The following CPPED1 variants were observed in gnomAD, a reference collection of about 807,000 sequenced individuals.
The protein encoded by CPPED1 is calcineurin like phosphoesterase domain containing 1.
In CPPED1, 28 loss-of-function variants were observed where a neutral mutation model predicts 28.0. The observed-to-expected ratio is 1.00, with a 90% CI of 0.74 to 1.37. The LOEUF is 1.37. CPPED1 is among the 40% of genes most tolerant of loss of function. CPPED1 has a pLI of 0.00. For missense variants in CPPED1, 504 were observed against 416.5 expected (o/e 1.21, Z -1.83); for synonymous variants, 198 against 180.2 (o/e 1.10, Z -0.79).
Position 12,778,963 on chromosome 16 carries a change from C to T in CPPED1, c.289+2222G>A, listed in dbSNP as rs544684342. 2.6e-5 allele frequency among the ~76,000 whole-genome samples: 4 copies of T among 152,244 alleles called. No homozygotes were observed. The East Asian group carries it at 7.7e-4, about 29-fold the overall frequency. On this transcript the variant is annotated intron_variant, in intron 2 of 3. Coordinates refer to ENST00000381774, the MANE Select transcript of CPPED1 (RefSeq NM_018340.3). ...ATGAAGTCTTGACCAACTGGCGGGG[C>T]TGATCATAAAAACTATATCTTTTAA...
At chr16:12,766,223 T>C (rs1254640180) in intron 2 of CPPED1, among the ~76,000 whole-genome samples, 2 of 134,340 alleles carry the variant, frequency 1.5e-5, no homozygotes, top group African/African-American at 3.2e-5. Context: ...TGAAACCCCA[T>C]CTCTACAAAA....
At chr16:12,740,353 G>A (rs1032986479) in intron 2 of CPPED1, among the ~76,000 whole-genome samples, 1 of 151,496 alleles carries the variant, frequency 6.6e-6, no homozygotes, top group Non-Finnish European at 1.5e-5. Flanking sequence ...GCTGAGGTGG[G>A]AGAATCTCTT....
rs1016542665 is a variant in CPPED1 at position 12,662,116 on chromosome 16, A to C, written c.*2770T>G. On this transcript the variant is annotated 3_prime_UTR_variant, in exon 4 of 4. Transcript: ENST00000381774. ...CTTTCTGAGCCAAAGCACTTAAAACACATAATAAACATTCAAAACCATAGC... is the reference window on the plus strand; with the variant it reads ...CTTTCTGAGCCAAAGCACTTAAAACCCATAATAAACATTCAAAACCATAGC... The C allele has an allele frequency of 1.3e-5, 2 of 152,238 alleles. No individual in the cohort carries two copies. The highest frequency in any genetic ancestry group is 4.8e-5 in the African/African-American group (2 of 41,452). The allele number at this position is 152,238 out of a possible 1,614,324, so 9.4% of individuals were successfully genotyped here.
chr16:12,713,341 T>C (rs1334440462), intron 2 of CPPED1, among the ~76,000 whole-genome samples: 1 of 152,134 alleles, frequency 6.6e-6, no homozygotes, highest in Non-Finnish European at 1.5e-5. Flanking sequence ...GTTGTCCTGG[T>C]CTTTTAAATC....
chr16:12,797,829 T>C (rs1186349093), intron 1 of CPPED1, among the ~76,000 whole-genome samples: 1 of 152,128 alleles, frequency 6.6e-6, no homozygotes, highest in African/African-American at 2.4e-5. Flanking sequence ...AAGCTTGTCC[T>C]AACAGTTTGG....
At position 12,803,726 on chromosome 16, in the gene CPPED1, G is replaced by A. The variant is rs779449048; in HGVS notation, c.51C>T (p.Thr17=). Residue 17 remains threonine, a synonymous_variant, in exon 1 of 4, where the codon ACC becomes ACT. Transcript: ENST00000381774. ...CAGTACCTGCGGGAAACGCGGCCAG[G>A]GTCCTGCCCCTGGCTCTGTGGAAAA... ...GGVFHRARGR[T]LAAFPAEKES... is the part of the protein sequence containing the mutation. 10 of 1,584,976 alleles carry A rather than the reference G, an allele frequency of 6.3e-6. No individual in the cohort carries two copies. The East Asian group carries it at 1.4e-4, about 23-fold the overall frequency.
chr16:12,672,946 G>A (rs1489246198), intron 3 of CPPED1, among the ~76,000 whole-genome samples: 1 of 152,192 alleles, frequency 6.6e-6, no homozygotes, highest in South Asian at 2.1e-4. Context: ...CTCGGGAGGC[G>A]GAGGTTGCAG....
chr16:12,758,843 A>G lies in CPPED1; in HGVS notation c.289+22342T>C, dbSNP rs190120220. On this transcript the variant is annotated intron_variant, in intron 2 of 3. Transcript: ENST00000381774. Reference sequence around the variant, plus strand: ...GTAATAAGACACGATGATGATGATGATGATGACAGCAATGACAACAGCAAC... The same window carrying G: ...GTAATAAGACACGATGATGATGATGGTGATGACAGCAATGACAACAGCAAC... Among the ~76,000 whole-genome samples, 56 of 152,206 alleles carry G rather than the reference A, an allele frequency of 3.7e-4. 1 individual carries two copies. The highest frequency in any genetic ancestry group is 5.9e-5 in the Non-Finnish European group (4 of 68,022).
chr16:12,781,094 G>T, intron 2 of CPPED1, 91 bp downstream of exon 2: 1 of 1,102,532 alleles, frequency 9.1e-7, no homozygotes, highest in Non-Finnish European at 1.3e-6. Flanking sequence ...GAGCAAAGAT[G>T]CCTTCGAAGC....
intron 2 of CPPED1, among the ~76,000 whole-genome samples, chr16:12,728,902 G>A (rs998298294): frequency 2.0e-5 from 3 of 152,208 alleles, no homozygotes; most frequent in African/African-American, 7.2e-5. Context: ...AATTGAAGCA[G>A]AGGACAAACG....
At chr16:12,735,864 A>C (rs1013249458) in intron 2 of CPPED1, among the ~76,000 whole-genome samples, 1 of 152,224 alleles carries the variant, frequency 6.6e-6, no homozygotes, top group Admixed American at 6.5e-5. Context: ...GTTTTGCATG[A>C]GACTAAAAAG....
At chr16:12,777,403 G>A (rs1202712255) in intron 2 of CPPED1, among the ~76,000 whole-genome samples, 10 of 152,138 alleles carry the variant, frequency 6.6e-5, no homozygotes, top group Admixed American at 4.6e-4. Flanking sequence ...CAAAACCAGT[G>A]GGTCGATACC....
chr16:12,683,529 G>T (rs1249880797), intron 3 of CPPED1, among the ~76,000 whole-genome samples: 1 of 152,118 alleles, frequency 6.6e-6, no homozygotes, highest in Admixed American at 6.6e-5. Context: ...GGACATCCTT[G>T]CAAGCTCTGC....
chr16:12,735,957 G>C, intron 2 of CPPED1, among the ~76,000 whole-genome samples: 1 of 152,136 alleles, frequency 6.6e-6, no homozygotes, highest in Non-Finnish European at 1.5e-5. Flanking sequence ...TACACCTGGA[G>C]ACCATTATGG....
rs71142517 is a variant in CPPED1 at position 12,734,058 on chromosome 16, G to GTTTTTTTTTTTTT, written c.290-29022_290-29010dup. Among the ~76,000 whole-genome samples, 10 of 64,424 alleles carry GTTTTTTTTTTTTT rather than the reference G, an allele frequency of 1.6e-4. 3 individuals carry two copies. The highest frequency in any genetic ancestry group is 6.8e-4 in the African/African-American group (8 of 11,722). 42.3% of individuals were successfully genotyped at this position (64,424 alleles called of 152,430 possible). ...CTTTGTCTCTGTTTTCAAATTACAC[G>GTTTTTTTTTTTTT]TTTTTTTTTTTTTTTTTTTTTTTTT... On this transcript the variant is annotated intron_variant, in intron 2 of 3. Transcript: ENST00000381774.
At chr16:12,715,119 T>G (rs2080100706) in intron 2 of CPPED1, among the ~76,000 whole-genome samples, 1 of 152,220 alleles carries the variant, frequency 6.6e-6, no homozygotes, top group Admixed American at 6.5e-5. Context: ...TGTGAGGATT[T>G]CTGGATTCTC....
At chr16:12,704,512 G>A in intron 3 of CPPED1, 112 bp downstream of exon 3, 1 of 1,153,650 alleles carries the variant, frequency 8.7e-7, no homozygotes, top group Non-Finnish European at 1.2e-6. Flanking sequence ...AGAACTCCCG[G>A]CCTAGTCCTC....
intron 2 of CPPED1, among the ~76,000 whole-genome samples, chr16:12,739,257 CAAGT>C (rs1338527534): frequency 5.3e-5 from 8 of 152,148 alleles, no homozygotes; most frequent in African/African-American, 1.9e-4. Context: ...ACAGTCCAAG[CAAGT>C]GAGTTTTTTC....
intron 3 of CPPED1, among the ~76,000 whole-genome samples, chr16:12,702,354 C>T (rs1005717495): frequency 2.6e-5 from 4 of 152,014 alleles, no homozygotes; most frequent in African/African-American, 4.8e-5. Flanking sequence ...AGGTGCAACA[C>T]AGTCAGACCC....
Sources: gnomAD v4.1 joint callset for allele counts (sites outside exome capture counted in the v4.1 genomes callset) on GRCh38, gnomAD v4.1.1 for gene constraint, MANE v1.5 for transcripts, NCBI Gene and HGNC (gene_info 2026-07-23, HGNC 2026-07-21) for gene names.